GPR132: variants seen among roughly 807,000 people sequenced by gnomAD.
GPR132 encodes the protein probable G protein-coupled receptor 132.
GPR132 carries 4 observed loss-of-function variants against 1.9 expected under a neutral mutation model. The observed-to-expected ratio is 2.13, with a 90% confidence interval of 1.05 to 4.87. GPR132 has a LOEUF of 4.87. Ranked by LOEUF, GPR132 falls within the 30% of genes most tolerant of loss-of-function variation. The pLI is 0.01. For synonymous variants in GPR132, 233 were observed against 234.2 expected (o/e 0.99, Z 0.05); for missense variants, 404 against 512.5 (o/e 0.79, Z 2.04).
chr14:105,054,633 G>T (rs1182791965), intron 3 of GPR132, among the ~76,000 whole-genome samples: 1 of 151,260 alleles, frequency 6.6e-6, no homozygotes, highest in Non-Finnish European at 1.5e-5. Context: ...GTTTCACCAG[G>T]TTGGCCAGGC....
chr14:105,057,744 A>C (rs924528109), intron 1 of GPR132, among the ~76,000 whole-genome samples: 1 of 148,736 alleles, frequency 6.7e-6, no homozygotes. Context: ...GCTGGAGTGC[A>C]ATGGCATGAT....
In GPR132 at chr14:105,050,974, C is replaced by T; in HGVS notation, c.*20G>A. ...GGCCCCAGGACCCCCAACCTGCCAT[C>T]CCCCTGCCACACAGTGGGCTCAGCA... On this transcript the variant is annotated 3_prime_UTR_variant, in exon 4 of 4. Coordinates refer to ENST00000329797, the MANE Select transcript of GPR132 (RefSeq NM_013345.4). This position sits in a 1 kb window ranked among gnomAD's most constrained non-coding sequence, Gnocchi z 4.0. 6.3e-7 allele frequency: 1 copy of T among 1,599,828 alleles called. No individual in the cohort carries two copies. The highest frequency in any genetic ancestry group is 8.6e-7 in the Non-Finnish European group (1 of 1,168,792).
At chr14:105,057,475 A>C (rs937135708) in intron 1 of GPR132, 195 bp from the exon 2 acceptor site, 29 of 402,796 alleles carry the variant, frequency 7.2e-5, no homozygotes, top group African/African-American at 5.2e-4. Context: ...AACAGGCATC[A>C]AAACGTCACA....
intron 3 of GPR132, among the ~76,000 whole-genome samples, chr14:105,052,438 C>T (rs1886676336): frequency 1.3e-5 from 2 of 152,060 alleles, no homozygotes; most frequent in African/African-American, 2.4e-5. Flanking sequence ...GGCAATTCTC[C>T]TGCCTCAGCC....
chr14:105,061,878 C>G lies in GPR132; in HGVS notation c.-861+3501G>C, dbSNP rs146110041. On this transcript the variant is annotated intron_variant, in intron 1 of 3. Transcript: ENST00000329797. ...TGACTGAGCCCTGTGGGAAAGGTCC[C>G]CGGTGCAGACTTTCACTTCTGAAAC... is the stretch of plus-strand genomic sequence containing the variant. 1.5e-3 allele frequency among the ~76,000 whole-genome samples: 224 copies of G among 152,326 alleles called. 1 individual carries two copies. Among genetic ancestry groups the G allele is most frequent in the African/African-American group, 5.3e-3 (219 of 41,576 alleles).
chr14:105,050,582 A>C lies in GPR132; in HGVS notation c.*412T>G, dbSNP rs1734228485. 1 of 213,480 alleles carries C rather than the reference A, an allele frequency of 4.7e-6. No individual in the cohort carries two copies. Among genetic ancestry groups the C allele is most frequent in the Non-Finnish European group, 9.6e-6 (1 of 104,632 alleles). 13.2% of individuals were successfully genotyped at this position (213,480 alleles called of 1,614,324 possible). Reference sequence around the variant, plus strand: ...TCTGAGGCAGGAGCCCAGAGGGCCCACAATGCACCACCGCATCCAGGCAAC... The same window carrying C: ...TCTGAGGCAGGAGCCCAGAGGGCCCCCAATGCACCACCGCATCCAGGCAAC... On this transcript the variant is annotated 3_prime_UTR_variant, in exon 4 of 4. Coordinates refer to ENST00000329797, the MANE Select transcript of GPR132 (RefSeq NM_013345.4). This position sits in a 1 kb window ranked among gnomAD's most constrained non-coding sequence, Gnocchi z 4.0.
At position 105,055,282 on chromosome 14, in the gene GPR132, G is replaced by A. The variant is rs1170140018; in HGVS notation, c.34+105C>T. The A allele has an allele frequency of 1.3e-6, 1 of 764,872 alleles. No homozygotes were observed. Among genetic ancestry groups the A allele is most frequent in the Non-Finnish European group, 2.5e-6 (1 of 406,496 alleles). 47.4% of individuals were successfully genotyped at this position (764,872 alleles called of 1,614,324 possible). A position where few individuals can be genotyped will look rare whatever the true frequency, so the allele number is the denominator to read the frequency against. ...GCAGAAGCTGCAGTGAGCCGAGATT[G>A]TGCCACTGCACTCCAGCCTGGGCGA... On this transcript the variant is annotated intron_variant, in intron 3 of 3. Coordinates refer to ENST00000329797, the MANE Select transcript of GPR132 (RefSeq NM_013345.4). The surrounding 1 kb of genome is among the most constrained non-coding windows in gnomAD (Gnocchi z 4.7).
Position 105,055,523 on chromosome 14 carries a change from A to T in GPR132, c.-103T>A. 1 of 759,964 alleles carries T rather than the reference A, an allele frequency of 1.3e-6. No individual in the cohort carries two copies. Among genetic ancestry groups the T allele is most frequent in the Non-Finnish European group, 2.5e-6 (1 of 403,370 alleles). The allele number at this position is 759,964 out of a possible 1,614,324, so 47.1% of individuals were successfully genotyped here. On this transcript the variant is annotated 5_prime_UTR_variant, in exon 3 of 4. Coordinates refer to ENST00000329797, the MANE Select transcript of GPR132 (RefSeq NM_013345.4). The surrounding 1 kb of genome is among the most constrained non-coding windows in gnomAD (Gnocchi z 4.7). ...AAGCACTCGCTCCGCATTTGCTCCC[A>T]GCCCCCAGGCCTCCATTCCACTTTG...
chr14:105,052,181 A>G (rs1566733073), intron 3 of GPR132, 79 bp from the exon 4 acceptor site: 4 of 1,251,978 alleles, frequency 3.2e-6, no homozygotes, highest in Non-Finnish European at 3.3e-6. Flanking sequence ...AAGAAAGGAT[A>G]GAAGCTTTGT....
At chr14:105,052,336 CT>C (rs1182333796) in intron 3 of GPR132, among the ~76,000 whole-genome samples, 4 of 151,842 alleles carry the variant, frequency 2.6e-5, no homozygotes, top group Non-Finnish European at 5.9e-5. Context: ...TTTCTTTTTT[CT>C]TTTTTTTGAA....
At position 105,051,408 on chromosome 14, in the gene GPR132, C is replaced by A. The variant is rs61739168; in HGVS notation, c.729G>T (p.Ser243=). Residue 243 remains serine (S), a synonymous_variant, in exon 4 of 4, where the codon TCG becomes TCT. Coordinates refer to ENST00000329797, the MANE Select transcript of GPR132 (RefSeq NM_013345.4). The surrounding 1 kb of genome is among the most constrained non-coding windows in gnomAD (Gnocchi z 8.0). ...GGAAGATGACAACCACCGCGATGGC[C>A]GAGTGCTTCACCTTGGCCTTCTGGG... ...SAAQKAKVKH[S]AIAVVVIFLV... 5.0e-6 allele frequency: 8 copies of A among 1,614,144 alleles called. No individual in the cohort carries two copies. Among genetic ancestry groups the A allele is most frequent in the Non-Finnish European group, 6.8e-6 (8 of 1,180,028 alleles).
In GPR132 at chr14:105,057,234, G is replaced by T; in HGVS notation, c.-814C>A. The T allele has an allele frequency of 2.4e-6, 3 of 1,226,868 alleles. No homozygotes were observed. The highest frequency in any genetic ancestry group is 1.3e-5 in the South Asian group (1 of 77,190). The allele number at this position is 1,226,868 out of a possible 1,614,324, so 76.0% of individuals were successfully genotyped here. A position where few individuals can be genotyped will look rare whatever the true frequency, so the allele number is the denominator to read the frequency against. ...TAAGCTTTCTAAGTACATGTCATGCGTCTTGTCGGTCCTATCAAGACGTTC... is the reference window on the plus strand; with the variant it reads ...TAAGCTTTCTAAGTACATGTCATGCTTCTTGTCGGTCCTATCAAGACGTTC... On this transcript the variant is annotated 5_prime_UTR_variant, in exon 2 of 4. Transcript: ENST00000329797.
rs1353539178 is a variant in GPR132, at chr14:105,060,621, G to C, written c.-860-3341C>G. 1.3e-5 allele frequency among the ~76,000 whole-genome samples: 2 copies of C among 152,212 alleles called. No individual in the cohort carries two copies. Among genetic ancestry groups the C allele is most frequent in the Non-Finnish European group, 2.9e-5 (2 of 68,036 alleles). The stretch of plus-strand genomic sequence containing the variant: ...TCAAATGAGCAGGAGTGAGCACATG[G>C]AGCCACTGCCTGAGGCCCCTGGGCC... On this transcript the variant is annotated intron_variant, in intron 1 of 3. Coordinates refer to ENST00000329797, the MANE Select transcript of GPR132 (RefSeq NM_013345.4). This position sits in a 1 kb window ranked among gnomAD's most constrained non-coding sequence, Gnocchi z 6.3.
chr14:105,064,888 A>G (rs527257115), intron 1 of GPR132, among the ~76,000 whole-genome samples: 92 of 152,150 alleles, frequency 6.0e-4, no homozygotes, highest in African/African-American at 1.9e-3. Flanking sequence ...GACTGGGCCA[A>G]CTGCCACTCA....
chr14:105,052,397 G>C (rs965402901), intron 3 of GPR132, among the ~76,000 whole-genome samples: 2 of 151,786 alleles, frequency 1.3e-5, no homozygotes, highest in Non-Finnish European at 2.9e-5. Flanking sequence ...GCACAACCTC[G>C]GCTCACTGCA....
In GPR132 at chr14:105,051,627, G is replaced by A. The variant is rs766308699; in HGVS notation, c.510C>T (p.Val170=). 122 of 1,613,882 alleles carry A rather than the reference G, an allele frequency of 7.6e-5. No individual in the cohort carries two copies. Among genetic ancestry groups the A allele is most frequent in the African/African-American group, 1.2e-4 (9 of 74,924 alleles). The part of the protein sequence containing the change: ...ILISACIFIL[V]GIVHYPVFQT... ...GGAACACCGGGTAGTGAACGATCCCGACGAGGATGAAGATGCAGGCGGAGA... is the reference window on the plus strand; with the variant it reads ...GGAACACCGGGTAGTGAACGATCCCAACGAGGATGAAGATGCAGGCGGAGA... The change falls in exon 4 of 4, where the codon GTC becomes GTT. Residue 170 remains valine (V), a synonymous_variant. Coordinates refer to ENST00000329797, the MANE Select transcript of GPR132 (RefSeq NM_013345.4). This position sits in a 1 kb window ranked among gnomAD's most constrained non-coding sequence, Gnocchi z 8.0.
In GPR132 at chr14:105,059,642, C is replaced by T. The variant is rs561634754; in HGVS notation, c.-860-2362G>A. Among the ~76,000 whole-genome samples, 1 of 152,094 alleles carries T rather than the reference C, an allele frequency of 6.6e-6. No homozygotes were observed. The highest frequency in any genetic ancestry group is 2.0e-4 in the East Asian group (1 of 5,124). On this transcript the variant is annotated intron_variant, in intron 1 of 3. Transcript: ENST00000329797. This position sits in a 1 kb window ranked among gnomAD's most constrained non-coding sequence, Gnocchi z 4.2. ...TTCGAGTTGTCCCCACCTTTCTGGA[C>T]GGAACCAATGTACGTCTCACATATA...
At chr14:105,058,550 G>A (rs538852733) in intron 1 of GPR132, among the ~76,000 whole-genome samples, 6 of 152,382 alleles carry the variant, frequency 3.9e-5, no homozygotes, top group South Asian at 4.1e-4. Context: ...CGGGACTGAC[G>A]GAAGTATGAA....
At chr14:105,057,687 ATTT>A (rs569000530) in intron 1 of GPR132, among the ~76,000 whole-genome samples, 5 of 100,384 alleles carry the variant, frequency 5.0e-5, no homozygotes, top group Non-Finnish European at 8.3e-5. Flanking sequence ...CCCCCAGCTA[ATTT>A]TTTTTTTTTT....
Sources: gnomAD v4.1 joint callset for allele counts (sites outside exome capture counted in the v4.1 genomes callset) on GRCh38, gnomAD v4.1.1 for gene constraint, Gnocchi (gnomAD v3.1) non-coding constraint, MANE v1.5 for transcripts, NCBI Gene and HGNC (gene_info 2026-07-23, HGNC 2026-07-21) for gene names.